Variants in NTRK3 observed in about 807,000 individuals in gnomAD.
The protein encoded by NTRK3 is neurotrophic receptor tyrosine kinase 3, also known as NT-3 growth factor receptor.
NTRK3 carries 24 observed loss-of-function variants against 91.7 expected under a neutral mutation model. That is an observed-to-expected ratio of 0.26 (90% CI 0.19 to 0.37). The LOEUF is 0.37. Ranked by LOEUF, NTRK3 falls within the 10% of genes least tolerant of loss-of-function variation. The pLI, the probability that NTRK3 is intolerant of heterozygous loss-of-function variation, is 1.00. For synonymous variants in NTRK3, 483 were observed against 404.0 expected, an observed-to-expected ratio of 1.20 and a Z score of -2.34; for missense variants, 880 against 1,068.9, an observed-to-expected ratio of 0.82 and a Z score of 2.46.
chr15:88,103,446 G>A (rs529530150), intron 13 of NTRK3, among the ~76,000 whole-genome samples: 6 of 152,134 alleles, frequency 3.9e-5, no homozygotes, highest in East Asian at 3.9e-4. Context: ...CACACACAAC[G>A]ACGGACAGAT....
At chr15:88,197,333 GC>G (rs1053780330) in intron 3 of NTRK3, among the ~76,000 whole-genome samples, 1 of 152,064 alleles carries the variant, frequency 6.6e-6, no homozygotes, top group African/African-American at 2.4e-5. Flanking sequence ...ACAGCCTCAT[GC>G]CCAGAAGGAT....
At position 88,237,324 on chromosome 15, in the gene NTRK3, C is replaced by G. The variant is rs2051879006; in HGVS notation, c.248+18582G>C. Among the ~76,000 whole-genome samples the G allele has an allele frequency of 6.6e-6, 1 of 152,060 alleles. No homozygotes were observed. Among genetic ancestry groups the G allele is most frequent in the Admixed American group, 6.6e-5 (1 of 15,262 alleles). ...GGAGGGATCCTATGTATTTACATGT[C>G]CCAAAGAAAACAATTCCATAGCCCT... On this transcript the variant is annotated intron_variant, in intron 3 of 18. Transcript: ENST00000394480. This position sits in a 1 kb window ranked among gnomAD's most constrained non-coding sequence, Gnocchi z 4.0.
intron 3 of NTRK3, among the ~76,000 whole-genome samples, chr15:88,186,475 C>A (rs773876248): frequency 1.3e-5 from 2 of 152,272 alleles, no homozygotes; most frequent in East Asian, 1.9e-4. Context: ...TCCCCACCTC[C>A]TCCGTTGAGT....
intron 17 of NTRK3, among the ~76,000 whole-genome samples, chr15:87,904,711 C>A (rs1020714192): frequency 6.6e-6 from 1 of 152,134 alleles, no homozygotes; most frequent in Admixed American, 6.5e-5. Context: ...AGTGGCAGGG[C>A]GGCCCATATG....
intron 3 of NTRK3, among the ~76,000 whole-genome samples, chr15:88,193,984 C>A (rs1018366326): frequency 6.6e-6 from 1 of 152,222 alleles, no homozygotes; most frequent in Admixed American, 6.5e-5. Flanking sequence ...TGTCTTCGAT[C>A]CTACTACTCT....
At chr15:88,025,698 G>GAAATCAAA (rs2077975861) in intron 14 of NTRK3, among the ~76,000 whole-genome samples, 4 of 152,196 alleles carry the variant, frequency 2.6e-5, no homozygotes, top group African/African-American at 9.7e-5. Flanking sequence ...TTCAGACTTT[G>GAAATCAAA]GGCCTCCAGA....
intron 13 of NTRK3, among the ~76,000 whole-genome samples, chr15:88,114,012 C>G (rs946377252): frequency 6.6e-6 from 1 of 152,042 alleles, no homozygotes; most frequent in Admixed American, 6.6e-5. Context: ...AGTACCCCCC[C>G]CACCACCAAC....
At chr15:87,989,427 C>G (rs1332196986) in intron 14 of NTRK3, among the ~76,000 whole-genome samples, 1 of 152,174 alleles carries the variant, frequency 6.6e-6, no homozygotes, top group African/African-American at 2.4e-5. Flanking sequence ...ACCACATGTT[C>G]TCACTCATAG....
At chr15:88,127,033 A>T in intron 12 of NTRK3, 129 bp downstream of exon 12, 1 of 805,428 alleles carries the variant, frequency 1.2e-6, no homozygotes, top group Non-Finnish European at 2.1e-6. Flanking sequence ...GCCTGAACGT[A>T]GTTCAATTCA....
chr15:88,165,295 T>C (rs2044830752), intron 5 of NTRK3, among the ~76,000 whole-genome samples: 1 of 152,182 alleles, frequency 6.6e-6, no homozygotes, highest in African/African-American at 2.4e-5. Flanking sequence ...ATCACAATCA[T>C]TGTTAAATAA....
intron 14 of NTRK3, among the ~76,000 whole-genome samples, chr15:88,002,734 A>G (rs569616082): frequency 1.3e-5 from 2 of 152,108 alleles, no homozygotes; most frequent in South Asian, 4.1e-4. Context: ...AGAAAACAAG[A>G]TTCTTATGAA....
At chr15:88,102,067 A>G (rs1474102223) in intron 13 of NTRK3, among the ~76,000 whole-genome samples, 3 of 152,182 alleles carry the variant, frequency 2.0e-5, no homozygotes, top group East Asian at 1.9e-4. Flanking sequence ...GGAAGCGGAA[A>G]TGGGGTATCC....
At chr15:88,033,041 G>T (rs972922972) in exon 14 of NTRK3, 2 of 1,579,180 alleles carry the variant, frequency 1.3e-6, no homozygotes, top group Admixed American at 1.8e-5. Flanking sequence ...TGACAGCCAC[G>T]GGACCTGCAC....
intron 13 of NTRK3, among the ~76,000 whole-genome samples, chr15:88,069,243 T>A (rs1189684692): frequency 1.3e-5 from 2 of 152,168 alleles, no homozygotes; most frequent in Non-Finnish European, 2.9e-5. Context: ...CAATCCAAAG[T>A]GGCATCACCA....
intron 5 of NTRK3, among the ~76,000 whole-genome samples, chr15:88,148,669 T>C (rs2043101814): frequency 6.6e-6 from 1 of 152,050 alleles, no homozygotes; most frequent in Non-Finnish European, 1.5e-5. Context: ...GGGAGGAGTT[T>C]GGATTTGATA....
At chr15:88,205,526 A>G (rs909523083) in intron 3 of NTRK3, among the ~76,000 whole-genome samples, 1 of 152,118 alleles carries the variant, frequency 6.6e-6, no homozygotes, top group South Asian at 2.1e-4. Flanking sequence ...TTCTACAGAC[A>G]TGAGCTCTGG....
At chr15:88,012,884 A>C (rs1208653734) in intron 14 of NTRK3, among the ~76,000 whole-genome samples, 1 of 152,220 alleles carries the variant, frequency 6.6e-6, no homozygotes, top group Non-Finnish European at 1.5e-5. Context: ...GTCTGAAGTG[A>C]ATCCTGAGAA....
At chr15:87,878,035 T>C (rs1053486653) in intron 18 of NTRK3, among the ~76,000 whole-genome samples, 1 of 152,138 alleles carries the variant, frequency 6.6e-6, no homozygotes, top group Non-Finnish European at 1.5e-5. Flanking sequence ...TCCTCAAAGA[T>C]AATTCTTTAC....
intron 5 of NTRK3, among the ~76,000 whole-genome samples, chr15:88,162,248 T>C (rs1039103251): frequency 2.0e-5 from 3 of 152,170 alleles, no homozygotes; most frequent in African/African-American, 7.2e-5. Flanking sequence ...CTAGGCTGAG[T>C]CTCACTCCTT....
Sources: allele counts gnomAD v4.1 joint callset (sites outside exome capture counted in the v4.1 genomes callset), GRCh38; gene constraint gnomAD v4.1.1; non-coding constraint Gnocchi (gnomAD v3.1); transcripts MANE v1.5; gene names NCBI Gene and HGNC (gene_info 2026-07-23, HGNC 2026-07-21).